ATP2C1: variants seen among roughly 807,000 people sequenced by gnomAD.
ATP2C1 encodes the protein calcium-transporting ATPase type 2C member 1.
ATP2C1 carries 31 observed loss-of-function variants against 120.5 expected under a neutral mutation model. That is an observed-to-expected ratio of 0.26 (90% CI 0.19 to 0.35). The LOEUF is 0.35. Ranked by LOEUF, ATP2C1 falls within the 10% of genes least tolerant of loss-of-function variation. ATP2C1 has a pLI of 1.00. For synonymous variants in ATP2C1, 351 were observed against 358.7 expected (o/e 0.98, Z 0.24); for missense variants, 731 against 1,107.5 (o/e 0.66, Z 4.83).
intron 25 of ATP2C1, 39 bp downstream of exon 25, chr3:130,997,792 C>G (rs201114796): frequency 6.2e-7 from 1 of 1,605,486 alleles, no homozygotes; most frequent in African/African-American, 1.3e-5. Flanking sequence ...AACATGAATT[C>G]TGTATATCTG....
chr3:130,975,947 C>G (rs1199724539), intron 18 of ATP2C1, among the ~76,000 whole-genome samples: 1 of 152,176 alleles, frequency 6.6e-6, no homozygotes, highest in Non-Finnish European at 1.5e-5. Flanking sequence ...TACTTATATG[C>G]TGCTGACTGA....
At chr3:130,918,216 A>C in intron 2 of ATP2C1, 1 of 1,407,472 alleles carries the variant, frequency 7.1e-7, no homozygotes, top group Non-Finnish European at 1.0e-6. Context: ...CTGGGTTTAC[A>C]CCTTACTGGG....
chr3:130,919,448 A>G (rs1243581203), intron 2 of ATP2C1, among the ~76,000 whole-genome samples: 2 of 152,006 alleles, frequency 1.3e-5, no homozygotes, highest in Non-Finnish European at 2.9e-5. Flanking sequence ...CGAACTCCTT[A>G]CTGCAGGTGA....
intron 2 of ATP2C1, among the ~76,000 whole-genome samples, chr3:130,919,356 T>C (rs1206609516): frequency 1.3e-5 from 2 of 151,456 alleles, no homozygotes; most frequent in African/African-American, 4.9e-5. Context: ...TCCCGAGTAG[T>C]TGGGATTATA....
chr3:130,894,130 C>CCTCCTCCTTCATTTT lies in ATP2C1; in HGVS notation c.-387_-386insTCCTCCTTCATTTTC. On this transcript the variant is annotated 5_prime_UTR_variant, in exon 1 of 28. Transcript: ENST00000510168. The surrounding 1 kb of genome is among the most constrained non-coding windows in gnomAD (Gnocchi z 4.5). ...GCCGGCCCGGCGGACCGTGACGGGT[C>CCTCCTCCTTCATTTT]CCCTCACCTCCTCTTCTCTCCCCTC... The CCTCCTCCTTCATTTT allele has an allele frequency of 1.2e-6, 1 of 852,192 alleles. No individual in the cohort carries two copies. The highest frequency in any genetic ancestry group is 1.8e-5 in the African/African-American group (1 of 54,674). 52.8% of individuals were successfully genotyped at this position (852,192 alleles called of 1,614,324 possible).
intron 1 of ATP2C1, among the ~76,000 whole-genome samples, chr3:130,884,153 C>G (rs1419857074): frequency 2.6e-5 from 4 of 151,928 alleles, no homozygotes; most frequent in Admixed American, 1.3e-4. Context: ...ATTGGCCAGG[C>G]TGGTCTCCAA....
intron 7 of ATP2C1, among the ~76,000 whole-genome samples, chr3:130,941,242 G>GTGTGTC (rs1382085148): frequency 6.8e-6 from 1 of 147,736 alleles, no homozygotes; most frequent in African/African-American, 2.5e-5. Context: ...GTGTGTGTGT[G>GTGTGTC]TGTGTGTGTG....
At chr3:130,995,687 C>T (rs1427594345) in intron 22 of ATP2C1, among the ~76,000 whole-genome samples, 1 of 152,218 alleles carries the variant, frequency 6.6e-6, no homozygotes, top group Non-Finnish European at 1.5e-5. Flanking sequence ...GTTGCCAAGG[C>T]TGGAGTGCAG....
chr3:130,911,263 T>C (rs2058395254), intron 2 of ATP2C1, among the ~76,000 whole-genome samples: 1 of 146,812 alleles, frequency 6.8e-6, no homozygotes, highest in East Asian at 2.0e-4. Flanking sequence ...TCTCTGATGG[T>C]AGTTTGTATT....
chr3:130,980,730 A>G (rs761639760), intron 20 of ATP2C1, 51 bp downstream of exon 20: 54 of 1,257,412 alleles, frequency 4.3e-5, no homozygotes, highest in Non-Finnish European at 6.1e-5. Flanking sequence ...TCTAAGTGTT[A>G]CCATTTCTAC....
In ATP2C1 at chr3:130,951,827, A is replaced by G. The variant is rs149186272; in HGVS notation, c.532-1994A>G. Among the ~76,000 whole-genome samples, 562 of 152,306 alleles carry G rather than the reference A, an allele frequency of 3.7e-3. 4 individuals carry two copies. Among genetic ancestry groups the G allele is most frequent in the African/African-American group, 0.013 (530 of 41,564 alleles). On this transcript the variant is annotated intron_variant, in intron 8 of 27. Coordinates refer to ENST00000510168, the MANE Select transcript of ATP2C1 (RefSeq NM_001378687.1). ...ATTTTTGTAAGCTTATTTTGATACT[A>G]AAATGCATTCCACTGTCATATTATC...
At chr3:130,870,943 T>G (rs1057314649) in intron 1 of ATP2C1, among the ~76,000 whole-genome samples, 1 of 152,166 alleles carries the variant, frequency 6.6e-6, no homozygotes, top group Admixed American at 6.5e-5. Flanking sequence ...TTTAGGAAAT[T>G]GCCACCGCCA....
intron 2 of ATP2C1, among the ~76,000 whole-genome samples, chr3:130,902,714 C>A (rs904582017): frequency 6.6e-6 from 1 of 151,886 alleles, no homozygotes; most frequent in Non-Finnish European, 1.5e-5. Context: ...TAACTAGACC[C>A]CCCCCGAAGT....
At chr3:131,014,450 C>G in intron 26 of ATP2C1, 1 of 1,452,596 alleles carries the variant, frequency 6.9e-7, no homozygotes, top group South Asian at 1.4e-5. Context: ...GGATAACTAC[C>G]ATTGACATAG....
chr3:130,946,477 A>T (rs1383821321), intron 8 of ATP2C1, among the ~76,000 whole-genome samples: 1 of 152,202 alleles, frequency 6.6e-6, no homozygotes, highest in African/African-American at 2.4e-5. Context: ...GCTACCTGCC[A>T]CCTGAAGGAG....
At chr3:130,988,181 A>C (rs951154105) in intron 20 of ATP2C1, among the ~76,000 whole-genome samples, 2 of 152,134 alleles carry the variant, frequency 1.3e-5, no homozygotes, top group Admixed American at 1.3e-4. Context: ...CTGTCCTAGA[A>C]GATTTGAGGA....
intron 20 of ATP2C1, 99 bp from the exon 21 acceptor site, chr3:130,992,852 C>A: frequency 1.0e-6 from 1 of 958,988 alleles, no homozygotes; most frequent in Non-Finnish European, 1.7e-6. Flanking sequence ...TTAAATACAG[C>A]TTAAATTGAT....
chr3:130,953,770 A>G (rs1296195616), intron 8 of ATP2C1, 51 bp from the exon 9 acceptor site: 2 of 1,587,870 alleles, frequency 1.3e-6, no homozygotes, highest in African/African-American at 2.7e-5. Context: ...AACTCTAGAG[A>G]TGTTAAATGT....
At chr3:130,972,192 G>C (rs1342289695) in intron 17 of ATP2C1, among the ~76,000 whole-genome samples, 1 of 152,156 alleles carries the variant, frequency 6.6e-6, no homozygotes, top group Admixed American at 6.5e-5. Context: ...TCAGGCCCTG[G>C]CTGACCTGAC....
Sources: allele counts gnomAD v4.1 joint callset (sites outside exome capture counted in the v4.1 genomes callset), GRCh38; gene constraint gnomAD v4.1.1; non-coding constraint Gnocchi (gnomAD v3.1); transcripts MANE v1.5; gene names NCBI Gene and HGNC (gene_info 2026-07-23, HGNC 2026-07-21).